Variants in ZNF718 observed in about 807,000 individuals in gnomAD.
ZNF718 encodes the protein zinc finger protein 718.
ZNF718 carries 3 observed loss-of-function variants against 2.6 expected under a neutral mutation model. The observed-to-expected ratio is 1.16, with a 90% CI of 0.53 to 3.01. The LOEUF (loss-of-function observed/expected upper bound fraction) is 3.01, where lower values mean the gene tolerates loss of function less well. ZNF718 is among the 30% of genes most tolerant of loss of function. The pLI, the probability that ZNF718 is intolerant of heterozygous loss-of-function variation, is 0.03. For missense variants in ZNF718, 468 were observed against 230.0 expected (o/e 2.03, Z -6.69); for synonymous variants, 135 against 77.9 (o/e 1.73, Z -3.86).
downstream of ZNF718, among the ~76,000 whole-genome samples, chr4:166,324 C>T (rs553618467): frequency 1.9e-3 from 294 of 152,312 alleles, no homozygotes; most frequent in African/African-American, 6.6e-3. Flanking sequence ...GTGCATGTGT[C>T]TTTATAGCAG....
chr4:193,297 C>G (rs1242278814), intron 3 of ZNF718, among the ~76,000 whole-genome samples: 10 of 152,098 alleles, frequency 6.6e-5, no homozygotes, highest in African/African-American at 2.2e-4. Context: ...ATTGCCACCT[C>G]TTTAGGTTTC....
In ZNF718 at chr4:131,032, A is replaced by G; in HGVS notation, c.130+118A>G. 2 of 221,924 alleles carry G rather than the reference A, an allele frequency of 9.0e-6. 1 individual carries two copies. The highest frequency in any genetic ancestry group is 3.2e-4 in the East Asian group (2 of 6,166). The allele number at this position is 221,924 out of a possible 1,614,324, so 13.7% of individuals were successfully genotyped here. On this transcript the variant is annotated intron_variant, in intron 2 of 3. Transcript: ENST00000510175. ...TGAATTAATTTCAGTTCCTTCACGA[A>G]AAAGTTGGGAGTTTGGTGGTATAAA...
chr4:124,699 A>G (rs782707021), intron 1 of ZNF718, 26 bp downstream of exon 1: 2 of 1,608,698 alleles, frequency 1.2e-6, no homozygotes, highest in Admixed American at 1.7e-5. Context: ...AGGGCGTCCC[A>G]AGGCTGTGGA....
chr4:143,979 G>A (rs1179774624), intron 3 of ZNF718, among the ~76,000 whole-genome samples: 1 of 152,126 alleles, frequency 6.6e-6, no homozygotes, highest in Non-Finnish European at 1.5e-5. Context: ...CAGGAAAACG[G>A]TCTGGAGGCA....
At chr4:156,608 A>G (rs1400727801) in intron 3 of ZNF718, among the ~76,000 whole-genome samples, 2 of 152,206 alleles carry the variant, frequency 1.3e-5, no homozygotes, top group Admixed American at 1.3e-4. Context: ...CACTCTACAC[A>G]TTAAAAAACC....
chr4:150,600 C>G (rs1289775041), intron 3 of ZNF718, among the ~76,000 whole-genome samples: 1 of 151,898 alleles, frequency 6.6e-6, no homozygotes, highest in East Asian at 1.9e-4. Flanking sequence ...TCTTTTATAA[C>G]TGAATAGTAT....
chr4:179,928 C>T (rs1553819582), intron 3 of ZNF718, among the ~76,000 whole-genome samples: 1 of 151,318 alleles, frequency 6.6e-6, no homozygotes, highest in Non-Finnish European at 1.5e-5. Context: ...TTTATCCTTG[C>T]CTTTATTTGT....
chr4:168,777 A>G (rs1467298370), downstream of ZNF718, among the ~76,000 whole-genome samples: 3 of 151,856 alleles, frequency 2.0e-5, no homozygotes, highest in East Asian at 1.9e-4. Context: ...TGGTCTATCA[A>G]TTTTGTTGAT....
intron 3 of ZNF718, among the ~76,000 whole-genome samples, chr4:155,320 T>C (rs1192474558): frequency 6.6e-6 from 1 of 152,070 alleles, no homozygotes; most frequent in Non-Finnish European, 1.5e-5. Flanking sequence ...CCCAGAATGA[T>C]AGATCCACTG....
intron 3 of ZNF718, among the ~76,000 whole-genome samples, chr4:133,335 G>C (rs1413324720): frequency 6.6e-6 from 1 of 151,352 alleles, no homozygotes; most frequent in African/African-American, 2.4e-5. Context: ...CATTCAAAGG[G>C]TTGGCCACCA....
intron 1 of ZNF718, among the ~76,000 whole-genome samples, chr4:125,486 A>G (rs967214739): frequency 6.6e-6 from 1 of 152,224 alleles, no homozygotes; most frequent in East Asian, 1.9e-4. Flanking sequence ...GAGTTGCTGG[A>G]CACCCCGTTG....
At chr4:138,811 C>G (rs1715686777) in intron 3 of ZNF718, among the ~76,000 whole-genome samples, 1 of 152,052 alleles carries the variant, frequency 6.6e-6, no homozygotes, top group Non-Finnish European at 1.5e-5. Context: ...AATCACCTGA[C>G]TTTTGGATAA....
chr4:199,012 A>G (rs775593716), intron 3 of ZNF718, among the ~76,000 whole-genome samples: 1 of 152,220 alleles, frequency 6.6e-6, no homozygotes, highest in Non-Finnish European at 1.5e-5. Context: ...CAGCTGGGAT[A>G]TGCACCCAGA....
intron 1 of ZNF718, 178 bp downstream of exon 1, chr4:124,851 G>A: frequency 1.3e-6 from 1 of 746,080 alleles, no homozygotes; most frequent in Non-Finnish European, 2.1e-6. Context: ...GGCCCAGCCT[G>A]CAGCCCTCCT....
At chr4:160,538 T>C (rs1264606341) in intron 3 of ZNF718, among the ~76,000 whole-genome samples, 2 of 152,150 alleles carry the variant, frequency 1.3e-5, no homozygotes, top group African/African-American at 4.8e-5. Context: ...GTAAAGTATA[T>C]TTATTTACTT....
chr4:158,892 CTTT>C (rs587673139), intron 3 of ZNF718, among the ~76,000 whole-genome samples: 5 of 139,446 alleles, frequency 3.6e-5, no homozygotes, highest in African/African-American at 5.2e-5. Flanking sequence ...TTTCTTTAGC[CTTT>C]TTTTTTTTTT....
chr4:198,333 T>G (rs1445447350), intron 3 of ZNF718, among the ~76,000 whole-genome samples: 4 of 152,122 alleles, frequency 2.6e-5, no homozygotes, highest in Non-Finnish European at 5.9e-5. Context: ...CAGGGAGGCA[T>G]GAAGCCCTGT....
intron 3 of ZNF718, among the ~76,000 whole-genome samples, chr4:191,340 CG>C (rs1717690667): frequency 6.6e-6 from 1 of 151,652 alleles, no homozygotes; most frequent in South Asian, 2.1e-4. Flanking sequence ...TTAGTAGAGA[CG>C]GGGTTTTACC....
chr4:182,880 T>C (rs891852998), intron 3 of ZNF718, among the ~76,000 whole-genome samples: 4 of 152,338 alleles, frequency 2.6e-5, no homozygotes, highest in African/African-American at 7.2e-5. Flanking sequence ...TTGTTCAAGC[T>C]TTTTATAGGT....
Sources: gnomAD v4.1 joint callset for allele counts (sites outside exome capture counted in the v4.1 genomes callset) on GRCh38, gnomAD v4.1.1 for gene constraint, MANE v1.5 for transcripts, NCBI Gene and HGNC (gene_info 2026-07-23, HGNC 2026-07-21) for gene names.